Variants in RAD51B observed in about 807,000 individuals in gnomAD.
RAD51B encodes the protein DNA repair protein RAD51 homolog 2.
A neutral mutation model predicts 42.2 loss-of-function variants in RAD51B; 38 were observed. The observed-to-expected ratio is 0.90, with a 90% CI of 0.70 to 1.18. RAD51B has a LOEUF of 1.18. RAD51B is among the 50% of genes most tolerant of loss of function. The pLI is 0.00. For synonymous variants in RAD51B, 154 were observed against 145.2 expected (o/e 1.06, Z -0.43); for missense variants, 373 against 400.7 (o/e 0.93, Z 0.59).
chr14:68,108,046 T>C (rs2077402591), intron 7 of RAD51B, among the ~76,000 whole-genome samples: 1 of 151,860 alleles, frequency 6.6e-6, no homozygotes, highest in Non-Finnish European at 1.5e-5. Context: ...AAAGATGATG[T>C]GCAAATGGCC....
chr14:68,431,254 T>C (rs955176002), intron 9 of RAD51B, among the ~76,000 whole-genome samples: 9 of 152,246 alleles, frequency 5.9e-5, no homozygotes, highest in Middle Eastern at 3.2e-3. Flanking sequence ...ATGTGGATGA[T>C]GCTGGCCTCA....
chr14:68,504,684 T>TTTTCTTTTTTTTTTTTTTTTC, intron 10 of RAD51B, among the ~76,000 whole-genome samples: 1 of 130,948 alleles, frequency 7.6e-6, no homozygotes, highest in Non-Finnish European at 1.7e-5. Flanking sequence ...TTTTTTTTTT[T>TTTTCTTTTTTTTTTTTTTTTC]TTTGCTAGTT....
At chr14:67,948,931 CAAAAAAA>C (rs59465805) in intron 7 of RAD51B, among the ~76,000 whole-genome samples, 11 of 17,070 alleles carry the variant, frequency 6.4e-4, no homozygotes, top group Non-Finnish European at 8.4e-4. Flanking sequence ...GACTCTGTCT[CAAAAAAA>C]AAAAAAAAAA....
chr14:67,868,926 A>G (rs1340504788), intron 5 of RAD51B, among the ~76,000 whole-genome samples: 2 of 150,520 alleles, frequency 1.3e-5, no homozygotes, highest in South Asian at 2.1e-4. Flanking sequence ...CACACCAAAA[A>G]CCCATCTGTA....
intron 10 of RAD51B, among the ~76,000 whole-genome samples, chr14:68,523,876 A>G (rs1345234123): frequency 2.6e-5 from 4 of 152,254 alleles, no homozygotes. Context: ...ATGTATTCCT[A>G]TAAAGCAAAA....
chr14:67,963,876 C>T (rs556539531), intron 7 of RAD51B, among the ~76,000 whole-genome samples: 1 of 150,684 alleles, frequency 6.6e-6, no homozygotes, highest in Admixed American at 6.7e-5. Flanking sequence ...TAAAAAAAAT[C>T]GGTAACAGAC....
intron 7 of RAD51B, among the ~76,000 whole-genome samples, chr14:68,043,801 A>G (rs146341484): frequency 2.0e-5 from 3 of 152,338 alleles, no homozygotes; most frequent in East Asian, 1.9e-4. Context: ...AAGACTAAGC[A>G]TAAGTGAGAT....
intron 7 of RAD51B, among the ~76,000 whole-genome samples, chr14:68,222,775 G>A (rs1595569760): frequency 6.6e-6 from 1 of 152,126 alleles, no homozygotes; most frequent in African/African-American, 2.4e-5. Context: ...ACTTTTCTAT[G>A]CCTGGAAATA....
At chr14:68,362,313 A>G (rs1017820533) in intron 8 of RAD51B, among the ~76,000 whole-genome samples, 5 of 152,268 alleles carry the variant, frequency 3.3e-5, no homozygotes, top group African/African-American at 9.6e-5. Flanking sequence ...GTTAATTATT[A>G]CAGCAACTAA....
chr14:68,094,553 C>T (rs2077159978), intron 7 of RAD51B, among the ~76,000 whole-genome samples: 1 of 152,112 alleles, frequency 6.6e-6, no homozygotes, highest in East Asian at 1.9e-4. Flanking sequence ...CACTCCATAT[C>T]CAAAGACAGA....
chr14:67,895,824 A>G (rs2043397122), intron 7 of RAD51B, among the ~76,000 whole-genome samples: 1 of 151,830 alleles, frequency 6.6e-6, no homozygotes, highest in South Asian at 2.1e-4. Flanking sequence ...AGACCTCTCT[A>G]TGGCTTTTTA....
At chr14:68,584,828 A>G (rs1359427759) in intron 10 of RAD51B, among the ~76,000 whole-genome samples, 1 of 152,258 alleles carries the variant, frequency 6.6e-6, no homozygotes, top group Admixed American at 6.5e-5. Flanking sequence ...TGTAGAAATC[A>G]TAGAACTAGA....
chr14:68,372,474 C>G (rs1452877074), intron 8 of RAD51B, among the ~76,000 whole-genome samples: 1 of 151,952 alleles, frequency 6.6e-6, no homozygotes, highest in Non-Finnish European at 1.5e-5. Flanking sequence ...TGGTAAAAGA[C>G]CTCAAAGGTA....
At chr14:67,929,045 C>G (rs1482395272) in intron 7 of RAD51B, among the ~76,000 whole-genome samples, 1 of 151,914 alleles carries the variant, frequency 6.6e-6, no homozygotes, top group Non-Finnish European at 1.5e-5. Flanking sequence ...TTTATCTTTT[C>G]CAATGATCAA....
At chr14:68,521,070 G>A (rs1391026655) in intron 10 of RAD51B, among the ~76,000 whole-genome samples, 1 of 152,166 alleles carries the variant, frequency 6.6e-6, no homozygotes, top group Non-Finnish European at 1.5e-5. Flanking sequence ...AATCAAGAGA[G>A]TCTGTAGTGG....
chr14:68,658,760 T>C (rs543636906), intron 11 of RAD51B, among the ~76,000 whole-genome samples: 1 of 152,336 alleles, frequency 6.6e-6, no homozygotes, highest in South Asian at 2.1e-4. Flanking sequence ...GTCATCACCA[T>C]TTATTAAGTG....
intron 11 of RAD51B, among the ~76,000 whole-genome samples, chr14:68,671,800 G>A (rs1233927611): frequency 8.0e-5 from 12 of 149,710 alleles, no homozygotes; most frequent in Admixed American, 3.3e-4. Context: ...AGGAAATACT[G>A]ATGGCTTTGA....
intron 10 of RAD51B, among the ~76,000 whole-genome samples, chr14:68,504,050 A>G (rs1167857025): frequency 6.6e-6 from 1 of 152,168 alleles, no homozygotes; most frequent in Non-Finnish European, 1.5e-5. Context: ...CTTCATCCCT[A>G]CGGCCCCTTC....
chr14:68,073,183 A>G (rs989536438), intron 7 of RAD51B, among the ~76,000 whole-genome samples: 1 of 152,116 alleles, frequency 6.6e-6, no homozygotes, highest in South Asian at 2.1e-4. Flanking sequence ...CTAGGAATTC[A>G]TGTTATGAAT....
Sources: allele counts gnomAD v4.1 joint callset (sites outside exome capture counted in the v4.1 genomes callset), GRCh38; gene constraint gnomAD v4.1.1; transcripts MANE v1.5; gene names NCBI Gene and HGNC (gene_info 2026-07-23, HGNC 2026-07-21).